Variants in STEAP3 observed in about 807,000 individuals in gnomAD.
The protein encoded by STEAP3 is STEAP3 metalloreductase.
In STEAP3, 35 loss-of-function variants were observed where a neutral mutation model predicts 34.9. That is an observed-to-expected ratio of 1.00 (90% CI 0.76 to 1.33). STEAP3 has a LOEUF of 1.33. Among genes scored for constraint, STEAP3 ranks in the 40% most tolerant of loss-of-function variants. The probability of loss-of-function intolerance (pLI) is 0.00; values close to 1 mark genes in which losing one functional copy is unlikely to be tolerated. For synonymous variants in STEAP3, 281 were observed against 301.6 expected (o/e 0.93, Z 0.71); for missense variants, 652 against 667.6 (o/e 0.98, Z 0.26).
At chr2:119,253,943 C>T (rs530396962) in intron 4 of STEAP3, among the ~76,000 whole-genome samples, 55 of 152,132 alleles carry the variant, frequency 3.6e-4, no homozygotes, top group Non-Finnish European at 6.6e-4. Context: ...GGTGAATGGC[C>T]GTCAGTCTCT....
At chr2:119,255,951 C>T (rs966191791) in intron 5 of STEAP3, among the ~76,000 whole-genome samples, 16 of 152,296 alleles carry the variant, frequency 1.1e-4, no homozygotes, top group Admixed American at 2.6e-4. Flanking sequence ...ACATTGTTTA[C>T]ATTTCTTTGG....
chr2:119,264,588 C>G lies in STEAP3; in HGVS notation c.*1250C>G, dbSNP rs941955841. The stretch of plus-strand genomic sequence containing the variant: ...CCATCCTTGCTGCTCCCTACTGACT[C>G]TAGCTTACTTCCCCTGTGAAGAAAC... On this transcript the variant is annotated 3_prime_UTR_variant, in exon 6 of 6. Transcript: ENST00000393110. The G allele has an allele frequency of 1.3e-5, 2 of 152,336 alleles. No individual in the cohort carries two copies. Among genetic ancestry groups the G allele is most frequent in the East Asian group, 1.9e-4 (1 of 5,186 alleles). The allele number at this position is 152,336 out of a possible 1,614,324, so 9.4% of individuals were successfully genotyped here.
intron 2 of STEAP3, chr2:119,239,478 G>A (rs1251700947): frequency 6.6e-6 from 1 of 152,272 alleles, no homozygotes; most frequent in Non-Finnish European, 1.5e-5. Flanking sequence ...ATGTTGGCCA[G>A]GCTGTGTGCA....
At chr2:119,257,554 C>G (rs1196268476) in intron 5 of STEAP3, 2 of 1,543,602 alleles carry the variant, frequency 1.3e-6, no homozygotes, top group African/African-American at 2.7e-5. Flanking sequence ...CATCATCAGA[C>G]AAGTTTCCTA....
At chr2:119,234,428 G>A (rs1419703550) in intron 2 of STEAP3, among the ~76,000 whole-genome samples, 5 of 152,188 alleles carry the variant, frequency 3.3e-5, no homozygotes, top group Admixed American at 1.3e-4. Flanking sequence ...TAGGGAGCTG[G>A]CTGCCCCCAC....
chr2:119,237,212 AGC>A (rs1266049584), intron 2 of STEAP3, among the ~76,000 whole-genome samples: 2 of 152,232 alleles, frequency 1.3e-5, no homozygotes, highest in African/African-American at 4.8e-5. Flanking sequence ...CTGCAAGGTC[AGC>A]CAGCAAGGGC....
chr2:119,261,711 C>A (rs558976823), intron 5 of STEAP3, among the ~76,000 whole-genome samples: 28 of 152,214 alleles, frequency 1.8e-4, no homozygotes, highest in Non-Finnish European at 3.2e-4. Flanking sequence ...AACAGTAGAA[C>A]CTGCATCTCT....
chr2:119,226,315 C>T (rs919107314), intron 1 of STEAP3, among the ~76,000 whole-genome samples: 3 of 152,168 alleles, frequency 2.0e-5, no homozygotes, highest in Admixed American at 1.3e-4. Context: ...ACCCACGGTG[C>T]GTAGTGGCCA....
intron 5 of STEAP3, among the ~76,000 whole-genome samples, chr2:119,257,027 G>A (rs1283320279): frequency 6.6e-6 from 1 of 152,222 alleles, no homozygotes; most frequent in African/African-American, 2.4e-5. Flanking sequence ...GTAGGAGACA[G>A]TGAGACAGAG....
intron 1 of STEAP3, among the ~76,000 whole-genome samples, chr2:119,230,109 T>C (rs1315940552): frequency 6.6e-6 from 1 of 152,234 alleles, no homozygotes; most frequent in Non-Finnish European, 1.5e-5. Flanking sequence ...AGATGTGCCC[T>C]ATTCCAAGAT....
In STEAP3 at chr2:119,263,273, G is replaced by T. The variant is rs755463675; in HGVS notation, c.1432G>T (p.Glu478Ter). The T allele has an allele frequency of 1.2e-6, 2 of 1,614,078 alleles. No individual in the cohort carries two copies. Among genetic ancestry groups the T allele is most frequent in the East Asian group, 4.5e-5 (2 of 44,872 alleles). ...CAGGATCCGGAGAGGCTGGGAGAGG[G>T]AGAGCACCATCAAGTTCACGCTGCC... The part of the protein sequence containing the change: ...LARIRRGWER[E>*]STIKFTLPTD... Residue 478 changes from glutamate to a stop codon, truncating the protein, a stop_gained, in exon 6 of 6, where the codon GAG (glutamate) becomes TAG (stop). Coordinates refer to ENST00000393110, the MANE Select transcript of STEAP3 (RefSeq NM_182915.3). LOFTEE classifies it high-confidence loss of function.
intron 5 of STEAP3, among the ~76,000 whole-genome samples, chr2:119,258,394 G>A (rs556906853): frequency 6.6e-6 from 1 of 152,198 alleles, no homozygotes; most frequent in South Asian, 2.1e-4. Flanking sequence ...TGGGAATGCA[G>A]CCCAGTAGGT....
chr2:119,230,136 A>G (rs1310153064), intron 1 of STEAP3, among the ~76,000 whole-genome samples: 1 of 152,210 alleles, frequency 6.6e-6, no homozygotes, highest in East Asian at 1.9e-4. Context: ...GTTCCAAACA[A>G]GTTGAAAACA....
chr2:119,242,306 C>T (rs550279813), intron 2 of STEAP3, among the ~76,000 whole-genome samples: 27 of 152,288 alleles, frequency 1.8e-4, no homozygotes, highest in African/African-American at 6.3e-4. Context: ...CCCATCAGGG[C>T]AAAACTCCCC....
intron 5 of STEAP3, among the ~76,000 whole-genome samples, chr2:119,260,298 A>T (rs1320178105): frequency 3.4e-5 from 5 of 147,942 alleles, no homozygotes; most frequent in Admixed American, 1.4e-4. Flanking sequence ...TGACTTCAAG[A>T]CTTACTCTTT....
At chr2:119,244,101 C>T (rs1193301830) in intron 2 of STEAP3, among the ~76,000 whole-genome samples, 1 of 152,114 alleles carries the variant, frequency 6.6e-6, no homozygotes, top group Non-Finnish European at 1.5e-5. Flanking sequence ...TATGGAAACA[C>T]AGCGAAAATA....
chr2:119,251,607 T>C (rs1052586526), intron 4 of STEAP3, among the ~76,000 whole-genome samples: 1 of 152,216 alleles, frequency 6.6e-6, no homozygotes, highest in African/African-American at 2.4e-5. Context: ...CAGGATGGTC[T>C]GAAACTCTCA....
chr2:119,261,396 T>C (rs1170874695), intron 5 of STEAP3, among the ~76,000 whole-genome samples: 1 of 152,128 alleles, frequency 6.6e-6, no homozygotes, highest in Non-Finnish European at 1.5e-5. Flanking sequence ...AAAATGCATA[T>C]GTGTTCATTG....
intron 1 of STEAP3, among the ~76,000 whole-genome samples, chr2:119,225,683 C>T (rs1010684925): frequency 3.9e-5 from 6 of 152,220 alleles, no homozygotes; most frequent in African/African-American, 1.4e-4. Flanking sequence ...AGTCCAAAGG[C>T]GCACACCTGA....
Sources: allele counts gnomAD v4.1 joint callset (sites outside exome capture counted in the v4.1 genomes callset), GRCh38; gene constraint gnomAD v4.1.1; transcripts MANE v1.5; gene names NCBI Gene and HGNC (gene_info 2026-07-23, HGNC 2026-07-21).